The following ANK2 variants were observed in gnomAD, a reference collection of about 807,000 sequenced individuals.
ANK2 encodes the protein ankyrin 2, also known as ankyrin-2.
In ANK2, 83 loss-of-function variants were observed where a neutral mutation model predicts 360.5. That is an observed-to-expected ratio of 0.23 (90% confidence interval 0.19 to 0.28). ANK2 has a LOEUF of 0.28. Among genes scored for constraint, ANK2 ranks in the 10% least tolerant of loss-of-function variants. ANK2 has a pLI of 1.00. For missense variants in ANK2, 4,201 were observed against 4,795.7 expected (o/e 0.88, Z 3.66); for synonymous variants, 1,740 against 1,759.5 (o/e 0.99, Z 0.28).
At chr4:113,219,420 A>C (rs923834515) in intron 4 of ANK2, among the ~76,000 whole-genome samples, 4 of 151,876 alleles carry the variant, frequency 2.6e-5, no homozygotes, top group African/African-American at 9.7e-5. Context: ...TTATTATAAA[A>C]TTTTATGTGA....
the ANK2 span, among the ~76,000 whole-genome samples, chr4:112,777,785 T>C: frequency 2.7e-5 from 4 of 150,808 alleles, no homozygotes; most frequent in Non-Finnish European, 4.4e-5. Context: ...ACCCGGCTAA[T>C]TTTTGTATTT....
At chr4:113,175,578 G>A (rs536582212) in intron 2 of ANK2, among the ~76,000 whole-genome samples, 38 of 152,284 alleles carry the variant, frequency 2.5e-4, no homozygotes, top group Non-Finnish European at 4.3e-4. Flanking sequence ...TGTCATAACA[G>A]CCTTCTTACT....
intron 1 of ANK2, chr4:113,117,022 C>T (rs1582060448): frequency 6.6e-6 from 2 of 303,202 alleles, no homozygotes; most frequent in South Asian, 6.4e-5. Flanking sequence ...TGTGGGTGCA[C>T]ACCTATGCCT....
At chr4:113,061,203 T>A (rs573668526) in intron 1 of ANK2, among the ~76,000 whole-genome samples, 2 of 152,224 alleles carry the variant, frequency 1.3e-5, no homozygotes, top group South Asian at 4.1e-4. Flanking sequence ...GTGGCTTCCA[T>A]GTTTGATTTG....
At chr4:113,307,615 C>G (rs1158553981) in intron 23 of ANK2, among the ~76,000 whole-genome samples, 1 of 152,042 alleles carries the variant, frequency 6.6e-6, no homozygotes, top group East Asian at 1.9e-4. Context: ...TTTGGCCAGG[C>G]TGCTCTCGAA....
chr4:113,300,225 T>C (rs1218866690), intron 22 of ANK2, among the ~76,000 whole-genome samples: 1 of 152,184 alleles, frequency 6.6e-6, no homozygotes, highest in African/African-American at 2.4e-5. Flanking sequence ...AATAAAACTA[T>C]TTAAATATCA....
chr4:113,359,586 C>A (rs867676317), intron 38 of ANK2, among the ~76,000 whole-genome samples: 4 of 152,114 alleles, frequency 2.6e-5, no homozygotes, highest in Non-Finnish European at 5.9e-5. Flanking sequence ...TAAGGCCATG[C>A]GAGCTTTGAG....
chr4:112,868,472 G>T (rs1217314435), intron 1 of ANK2, among the ~76,000 whole-genome samples: 1 of 152,188 alleles, frequency 6.6e-6, no homozygotes, highest in African/African-American at 2.4e-5. Context: ...TCACAATAAT[G>T]AATTCACTCC....
chr4:113,023,892 T>C (rs2058699743), intron 2 of ANK2, among the ~76,000 whole-genome samples: 1 of 152,228 alleles, frequency 6.6e-6, no homozygotes, highest in Non-Finnish European at 1.5e-5. Context: ...GTAGAAGACA[T>C]GCACAGATTG....
In ANK2 at chr4:113,333,173, A is replaced by T. The variant is rs780830817; in HGVS notation, c.3344A>T (p.Asp1115Val). The change falls in exon 29 of 46, where the codon GAT (aspartate) becomes GTT (valine). Residue 1115 changes from aspartate (D) to valine (V), a missense_variant. Physicochemically the swap from Asp to Val is radical, Grantham distance 152 (BLOSUM62 -3). Around this residue, in one of 4 missense-constraint regions of ANK2, gnomAD observed 1,268 missense variants for 1,650.8 expected, o/e 0.77. Transcript: ENST00000357077. ...GAGCATTTCTGTGACTACACTGAAG[A>T]TGAATTGAATGAAATTCTTAACGGC... is the stretch of plus-strand genomic sequence containing the variant. ...WKEHFCDYTE[D>V]ELNEILNGMD... 5.6e-6 allele frequency: 9 copies of T among 1,614,106 alleles called. No individual in the cohort carries two copies. In the South Asian group the frequency reaches 9.9e-5, roughly 18 times the overall value.
intron 2 of ANK2, among the ~76,000 whole-genome samples, chr4:112,994,849 T>A (rs1315893269): frequency 6.6e-6 from 1 of 152,208 alleles, no homozygotes; most frequent in Non-Finnish European, 1.5e-5. Flanking sequence ...AGTGAGAACA[T>A]GCAGTATTTG....
rs911307974 is a variant in ANK2 at position 113,016,871 on chromosome 4, G to A, written c.21+112357G>A. Among the ~76,000 whole-genome samples, 5 of 152,276 alleles carry A rather than the reference G, an allele frequency of 3.3e-5. No homozygotes were observed. The South Asian group carries it at 6.2e-4, about 19-fold the overall frequency. On this transcript the variant is annotated intron_variant, in intron 2 of 30. Transcript: ENST00000503271. ...CCTGCCCTCTGAGGCTGAGGCTGAG[G>A]AGCATGGGTTATCCTTGACTGCCCT...
At chr4:113,297,817 C>T (rs1419196166) in intron 22 of ANK2, among the ~76,000 whole-genome samples, 5 of 151,732 alleles carry the variant, frequency 3.3e-5, no homozygotes, top group Non-Finnish European at 7.4e-5. Context: ...CAGGATCTCA[C>T]GCTGTTGCCC....
the ANK2 span, among the ~76,000 whole-genome samples, chr4:112,795,801 ATT>A: frequency 3.6e-5 from 5 of 137,758 alleles, no homozygotes; most frequent in Non-Finnish European, 4.7e-5. Context: ...TGTGCCCAGC[ATT>A]TTTTTTTTTT....
chr4:112,733,201 A>G, the ANK2 span, among the ~76,000 whole-genome samples: 15 of 152,142 alleles, frequency 9.9e-5, no homozygotes, highest in Admixed American at 9.2e-4. Flanking sequence ...GGGCGACAAA[A>G]CAAGACGCTG....
the ANK2 span, among the ~76,000 whole-genome samples, chr4:112,758,447 G>T: frequency 3.6e-4 from 55 of 152,112 alleles, 6 homozygotes; most frequent in South Asian, 0.01. Flanking sequence ...GTCTCACTCT[G>T]TCGCCCAGGC....
chr4:113,117,353 A>T, intron 1 of ANK2: 1 of 456,252 alleles, frequency 2.2e-6, no homozygotes, highest in South Asian at 1.5e-5. Flanking sequence ...AAAGGAAAAA[A>T]ATCTTGAGAG....
chr4:113,312,813 C>T (rs1326089223), intron 24 of ANK2, among the ~76,000 whole-genome samples: 1 of 152,140 alleles, frequency 6.6e-6, no homozygotes, highest in African/African-American at 2.4e-5. Context: ...GGGGATCCTT[C>T]TGCCAGTGAG....
At chr4:112,931,506 A>G (rs575203810) in intron 2 of ANK2, among the ~76,000 whole-genome samples, 53 of 132,116 alleles carry the variant, frequency 4.0e-4, no homozygotes, top group African/African-American at 1.4e-3. Flanking sequence ...GTGTGATCTC[A>G]GCTCACTGCA....
Sources: gnomAD v4.1 joint callset for allele counts (sites outside exome capture counted in the v4.1 genomes callset) on GRCh38, gnomAD v4.1.1 for gene constraint, gnomAD v4.1.1 regional missense constraint, MANE v1.5 for transcripts, NCBI Gene and HGNC (gene_info 2026-07-23, HGNC 2026-07-21) for gene names.